The following DOCK5 variants were observed in gnomAD, a reference collection of about 807,000 sequenced individuals.
DOCK5 encodes the protein dedicator of cytokinesis protein 5.
Under a neutral mutation model 251.8 loss-of-function variants are expected in DOCK5, and 142 were observed. The observed-to-expected ratio is 0.56, with a 90% CI of 0.49 to 0.65. The LOEUF (loss-of-function observed/expected upper bound fraction) is 0.65. Among genes scored for constraint, DOCK5 ranks in the 30% least tolerant of loss-of-function variants. The pLI is 0.00. For synonymous variants in DOCK5, 842 were observed against 835.5 expected, an observed-to-expected ratio of 1.01 and a Z score of -0.13; for missense variants, 2,111 against 2,312.3, an observed-to-expected ratio of 0.91 and a Z score of 1.79.
rs997189380 is a variant in DOCK5, at chr8:25,415,647, A to C, written c.*4349A>C. The C allele has an allele frequency of 6.6e-6, 1 of 152,234 alleles. No homozygotes were observed. The highest frequency in any genetic ancestry group is 2.4e-5 in the African/African-American group (1 of 41,458). The allele number at this position is 152,234 out of a possible 1,614,324, so 9.4% of individuals were successfully genotyped here. On this transcript the variant is annotated 3_prime_UTR_variant, in exon 52 of 52. Coordinates refer to ENST00000276440, the MANE Select transcript of DOCK5 (RefSeq NM_024940.8). ...CAGTTAGGAAGATGTGCATTGAAGT[A>C]GGAAAATTTTGTTCAGATTTGCTGT...
chr8:25,243,858 C>G, intron 2 of DOCK5, 101 bp downstream of exon 2: 1 of 1,116,918 alleles, frequency 9.0e-7, no homozygotes, highest in Admixed American at 2.1e-5. Context: ...GCTTGACTTC[C>G]TGAAACAGTG....
intron 3 of DOCK5, 44 bp downstream of exon 3, chr8:25,268,929 T>C (rs1392426914): frequency 6.7e-7 from 1 of 1,491,966 alleles, no homozygotes; most frequent in Non-Finnish European, 9.1e-7. Flanking sequence ...GAAATCTGTC[T>C]GCTAGTTTTG....
intron 29 of DOCK5, among the ~76,000 whole-genome samples, chr8:25,363,359 C>A (rs1180816332): frequency 6.6e-6 from 1 of 152,174 alleles, no homozygotes; most frequent in African/African-American, 2.4e-5. Flanking sequence ...CCTTCTCTAG[C>A]GTCGTCTCTT....
chr8:25,240,738 T>C (rs914435607), intron 1 of DOCK5, among the ~76,000 whole-genome samples: 2 of 152,208 alleles, frequency 1.3e-5, no homozygotes, highest in Non-Finnish European at 2.9e-5. Flanking sequence ...TTGGGGGCTA[T>C]TGTGAATAAT....
intron 1 of DOCK5, among the ~76,000 whole-genome samples, chr8:25,202,018 A>T (rs56763376): frequency 0.069 from 10,488 of 151,880 alleles, 496 homozygotes; most frequent in African/African-American, 0.12. Flanking sequence ...ATATATATAT[A>T]TTTTTTTCTT....
At chr8:25,354,675 A>G (rs1408746377) in intron 27 of DOCK5, among the ~76,000 whole-genome samples, 1 of 152,246 alleles carries the variant, frequency 6.6e-6, no homozygotes, top group Non-Finnish European at 1.5e-5. Flanking sequence ...AGACACAGAC[A>G]GTCGCGAAGA....
chr8:25,269,181 A>T lies in DOCK5; in HGVS notation c.168+296A>T, dbSNP rs772182310. On this transcript the variant is annotated intron_variant, in intron 3 of 51. Coordinates refer to ENST00000276440, the MANE Select transcript of DOCK5 (RefSeq NM_024940.8). ...GTAACACATTCATTGCCCTAGTGGGATCTCTTTTGCAGGGAGGGGTGGACC... is the reference window on the plus strand; with the variant it reads ...GTAACACATTCATTGCCCTAGTGGGTTCTCTTTTGCAGGGAGGGGTGGACC... Among the ~76,000 whole-genome samples, 7 of 152,196 alleles carry T rather than the reference A, an allele frequency of 4.6e-5. No homozygotes were observed. The East Asian group carries it at 9.6e-4, about 21-fold the overall frequency.
Position 25,391,937 on chromosome 8 carries a change from G to A in DOCK5, c.4397G>A (p.Arg1466Gln), listed in dbSNP as rs1239853432. 6 of 1,613,760 alleles carry A rather than the reference G, an allele frequency of 3.7e-6. No homozygotes were observed. The highest frequency in any genetic ancestry group is 2.2e-5 in the East Asian group (1 of 44,864). Residue 1466 changes from arginine (R) to glutamine (Q), a missense_variant, in exon 43 of 52, where the codon CGG becomes CAG. Arg to Gln is a conservative substitution (Grantham distance 43). Transcript: ENST00000276440. ...GAAGTGCAGCAGTTCAGATACTCCC[G>A]GCCGTTCCGGAAAGGAGAAAAGGAT... ...ANEVQQFRYS[R>Q]PFRKGEKDPD... is the part of the protein sequence containing the mutation.
rs1235825651 is a variant in DOCK5, at chr8:25,319,564, C to A, written c.1444-14C>A. 3.9e-6 allele frequency: 6 copies of A among 1,551,520 alleles called. No homozygotes were observed. The highest frequency in any genetic ancestry group is 3.4e-4 in the Middle Eastern group (2 of 5,930). ...CAAAATTATTCCCTTCTAATTTTTT[C>A]CTTCCATCTGAAGAAAGCAATTCAC... On this transcript the variant is annotated splice_polypyrimidine_tract_variant and intron_variant, in intron 14 of 51. Coordinates refer to ENST00000276440, the MANE Select transcript of DOCK5 (RefSeq NM_024940.8).
chr8:25,220,520 C>T (rs1247470262), intron 1 of DOCK5, among the ~76,000 whole-genome samples: 7 of 151,280 alleles, frequency 4.6e-5, no homozygotes, highest in African/African-American at 1.7e-4. Context: ...GCAGGAGGGG[C>T]TGGGGTCACA....
At chr8:25,348,074 G>A (rs986565343) in intron 26 of DOCK5, among the ~76,000 whole-genome samples, 1 of 152,176 alleles carries the variant, frequency 6.6e-6, no homozygotes, top group South Asian at 2.1e-4. Context: ...TGTCCATCAT[G>A]ATGGTACCTT....
chr8:25,281,937 C>T (rs1445738602), intron 5 of DOCK5, among the ~76,000 whole-genome samples: 1 of 148,312 alleles, frequency 6.7e-6, no homozygotes, highest in Non-Finnish European at 1.5e-5. Flanking sequence ...CAGCACATTT[C>T]TCATTTTAAT....
At chr8:25,375,590 A>T (rs959335638) in intron 37 of DOCK5, 1 of 709,212 alleles carries the variant, frequency 1.4e-6, no homozygotes, top group African/African-American at 1.9e-5. Context: ...TCCCGTAAGC[A>T]TGTCACACCT....
At chr8:25,363,025 A>G (rs764617664) in intron 28 of DOCK5, 22 bp from the exon 29 acceptor site, 13 of 1,602,624 alleles carry the variant, frequency 8.1e-6, no homozygotes, top group African/African-American at 1.3e-5. Context: ...TTTTCCCCCA[A>G]CCACTCCTCT....
intron 43 of DOCK5, 27 bp from the exon 44 acceptor site, chr8:25,392,769 A>G: frequency 6.3e-7 from 1 of 1,594,804 alleles, no homozygotes. Flanking sequence ...ATTGACCAAC[A>G]TTTCATGTTT....
At chr8:25,394,988 C>T (rs1037419798) in intron 44 of DOCK5, among the ~76,000 whole-genome samples, 5 of 152,052 alleles carry the variant, frequency 3.3e-5, no homozygotes, top group Non-Finnish European at 7.4e-5. Context: ...GATTCAAGCA[C>T]ATTACATTTA....
chr8:25,300,701 T>G (rs903829697), intron 9 of DOCK5, 44 bp downstream of exon 9: 2 of 1,542,602 alleles, frequency 1.3e-6, no homozygotes, highest in Non-Finnish European at 1.8e-6. Flanking sequence ...GTTTGTGATA[T>G]GAGCATATTC....
chr8:25,345,470 C>G lies in DOCK5; in HGVS notation c.2618-5C>G. The stretch of plus-strand genomic sequence containing the variant: ...TGTGTGAGCTGTCTGTGTTTTCCTT[C>G]TCAGAGTGCAGAGAAGTGCTGCTGC... On this transcript the variant is annotated splice_region_variant and splice_polypyrimidine_tract_variant and intron_variant, in intron 25 of 51. Coordinates refer to ENST00000276440, the MANE Select transcript of DOCK5 (RefSeq NM_024940.8). 3.7e-6 allele frequency: 6 copies of G among 1,613,424 alleles called. No homozygotes were observed. The highest frequency in any genetic ancestry group is 5.1e-6 in the Non-Finnish European group (6 of 1,179,746).
intron 1 of DOCK5, among the ~76,000 whole-genome samples, chr8:25,191,736 C>A (rs1450734742): frequency 6.6e-6 from 1 of 151,296 alleles, no homozygotes; most frequent in African/African-American, 2.4e-5. Context: ...GCCATATAAT[C>A]TCACTCCAAA....
Sources: allele counts gnomAD v4.1 joint callset (sites outside exome capture counted in the v4.1 genomes callset), GRCh38; gene constraint gnomAD v4.1.1; transcripts MANE v1.5; gene names NCBI Gene and HGNC (gene_info 2026-07-23, HGNC 2026-07-21).